MGAT4C: variants seen among roughly 807,000 people sequenced by gnomAD.
The protein encoded by MGAT4C is alpha-1,3-mannosyl-glycoprotein 4-beta-N-acetylglucosaminyltransferase C.
Under a neutral mutation model 40.1 loss-of-function variants are expected in MGAT4C, and 19 were observed. That is an observed-to-expected ratio of 0.47 (90% confidence interval 0.33 to 0.70). The LOEUF (loss-of-function observed/expected upper bound fraction) is 0.70, where lower values mean the gene tolerates loss of function less well. MGAT4C is among the 30% of genes least tolerant of loss of function. The probability of loss-of-function intolerance (pLI) is 0.02; values close to 1 mark genes in which losing one functional copy is unlikely to be tolerated. For missense variants in MGAT4C, 491 were observed against 563.2 expected (o/e 0.87, Z 1.30); for synonymous variants, 181 against 187.1 (o/e 0.97, Z 0.27).
chr12:86,280,999 C>G (rs1953205551), intron 4 of MGAT4C, among the ~76,000 whole-genome samples: 1 of 151,966 alleles, frequency 6.6e-6, no homozygotes. Context: ...TTATTATTGA[C>G]ATGGTTATGT....
chr12:86,801,832 TCCAGAAA>T (rs1565999050), intron 1 of MGAT4C, among the ~76,000 whole-genome samples: 1 of 151,840 alleles, frequency 6.6e-6, no homozygotes, highest in Non-Finnish European at 1.5e-5. Context: ...CCCTAATTCT[TCCAGAAA>T]TAGGTAATAC....
rs1883391300 is a variant in MGAT4C at position 85,966,821 on chromosome 12, G to T, written c.*12468C>A. On this transcript the variant is annotated 3_prime_UTR_variant, in exon 5 of 5. Transcript: ENST00000611864. ...ACGACAAAAAAACCAAACACTGCAT[G>T]TTCTCATAGGTGGGAACTGAACATT... The T allele has an allele frequency of 1.3e-5, 2 of 150,974 alleles. No individual in the cohort carries two copies. The highest frequency in any genetic ancestry group is 1.5e-5 in the Non-Finnish European group (1 of 67,826). 9.4% of individuals were successfully genotyped at this position (150,974 alleles called of 1,614,324 possible).
At chr12:86,695,573 A>G (rs571887537) in intron 2 of MGAT4C, among the ~76,000 whole-genome samples, 1 of 152,348 alleles carries the variant, frequency 6.6e-6, no homozygotes, top group Admixed American at 6.5e-5. Flanking sequence ...TACGCAATGG[A>G]GTACTATTCA....
chr12:86,170,996 C>G (rs1323331027), intron 1 of MGAT4C, among the ~76,000 whole-genome samples: 1 of 152,102 alleles, frequency 6.6e-6, no homozygotes, highest in Non-Finnish European at 1.5e-5. Context: ...ATTCTGTTCT[C>G]TGAGGTACAT....
At chr12:86,329,642 A>T (rs1954613397) in intron 4 of MGAT4C, among the ~76,000 whole-genome samples, 1 of 152,168 alleles carries the variant, frequency 6.6e-6, no homozygotes, top group Non-Finnish European at 1.5e-5. Flanking sequence ...CTCAGCTGAA[A>T]ATGATGTCTC....
chr12:86,073,670 G>C (rs1869058708), intron 1 of MGAT4C, among the ~76,000 whole-genome samples: 1 of 152,010 alleles, frequency 6.6e-6, no homozygotes, highest in Non-Finnish European at 1.5e-5. Flanking sequence ...ACTTGCATGG[G>C]CCCTGTAAAG....
chr12:86,731,136 T>G (rs1335391155), intron 1 of MGAT4C, among the ~76,000 whole-genome samples: 1 of 152,138 alleles, frequency 6.6e-6, no homozygotes, highest in Non-Finnish European at 1.5e-5. Flanking sequence ...TAAAGAAATT[T>G]TAAGCCTCTT....
intron 2 of MGAT4C, among the ~76,000 whole-genome samples, chr12:86,485,482 G>C (rs1459707957): frequency 8.7e-6 from 1 of 114,498 alleles, no homozygotes; most frequent in African/African-American, 2.8e-5. Context: ...AATTAGGAAT[G>C]TCAGAAATTG....
At chr12:86,449,066 G>T (rs540536984) in intron 2 of MGAT4C, among the ~76,000 whole-genome samples, 2 of 152,130 alleles carry the variant, frequency 1.3e-5, no homozygotes, top group Non-Finnish European at 2.9e-5. Context: ...GATGTAGCAA[G>T]AAAAAGTTAG....
intron 2 of MGAT4C, among the ~76,000 whole-genome samples, chr12:86,700,134 T>TAGAC (rs1464202374): frequency 1.7e-5 from 2 of 120,480 alleles, no homozygotes; most frequent in African/African-American, 6.3e-5. Context: ...ATAATGTAGA[T>TAGAC]AGATAGACAG....
intron 1 of MGAT4C, among the ~76,000 whole-genome samples, chr12:86,185,437 CTT>C (rs937338764): frequency 2.0e-5 from 3 of 152,138 alleles, no homozygotes; most frequent in African/African-American, 7.2e-5. Context: ...CTGAATGAGA[CTT>C]TTGTGAGTAA....
At chr12:86,815,382 T>C (rs1290100430) in intron 1 of MGAT4C, among the ~76,000 whole-genome samples, 1 of 151,910 alleles carries the variant, frequency 6.6e-6, no homozygotes, top group East Asian at 1.9e-4. Flanking sequence ...AGGCAACACT[T>C]CTACACTGCT....
At chr12:86,649,265 T>G (rs1433384399) in intron 2 of MGAT4C, among the ~76,000 whole-genome samples, 1 of 151,754 alleles carries the variant, frequency 6.6e-6, no homozygotes, top group Non-Finnish European at 1.5e-5. Flanking sequence ...TATAATAGTT[T>G]TGTACCCATT....
intron 4 of MGAT4C, among the ~76,000 whole-genome samples, chr12:86,263,519 T>A (rs1952708369): frequency 6.6e-6 from 1 of 152,234 alleles, no homozygotes; most frequent in African/African-American, 2.4e-5. Flanking sequence ...CATATTTTTT[T>A]GGCTGAATAG....
chr12:86,343,807 T>C (rs941430644), intron 3 of MGAT4C, among the ~76,000 whole-genome samples: 6 of 152,226 alleles, frequency 3.9e-5, no homozygotes, highest in East Asian at 1.9e-4. Context: ...TAATTCTTTA[T>C]GTAAAAAACT....
chr12:86,198,657 TTAAC>T (rs762764511), intron 1 of MGAT4C, among the ~76,000 whole-genome samples: 137 of 152,308 alleles, frequency 9.0e-4, no homozygotes, highest in Admixed American at 3.5e-3. Flanking sequence ...AATTTACACT[TTAAC>T]TAGGAATGAT....
At chr12:86,319,733 A>G (rs1260063881) in intron 4 of MGAT4C, among the ~76,000 whole-genome samples, 1 of 152,110 alleles carries the variant, frequency 6.6e-6, no homozygotes, top group African/African-American at 2.4e-5. Flanking sequence ...GAGAAATGAA[A>G]TGTTTCTTGT....
intron 1 of MGAT4C, among the ~76,000 whole-genome samples, chr12:86,177,462 A>T (rs1887579851): frequency 6.6e-6 from 1 of 152,130 alleles, no homozygotes; most frequent in Non-Finnish European, 1.5e-5. Context: ...ATTCACAGAA[A>T]TTTTTTCAAG....
chr12:86,531,153 C>T (rs1398152243), intron 2 of MGAT4C, among the ~76,000 whole-genome samples: 2 of 152,188 alleles, frequency 1.3e-5, no homozygotes, highest in Admixed American at 6.5e-5. Flanking sequence ...GCTTATGCAA[C>T]ATTCATTTTT....
Sources: allele counts gnomAD v4.1 joint callset (sites outside exome capture counted in the v4.1 genomes callset), GRCh38; gene constraint gnomAD v4.1.1; transcripts MANE v1.5; gene names NCBI Gene and HGNC (gene_info 2026-07-23, HGNC 2026-07-21).